Variants in UTRN observed in about 807,000 individuals in gnomAD.
UTRN encodes the protein dystrophin-related protein 1.
In UTRN, 283 loss-of-function variants were observed where a neutral mutation model predicts 463.9. That is an observed-to-expected ratio of 0.61 (90% CI 0.55 to 0.67). The LOEUF (loss-of-function observed/expected upper bound fraction) is 0.67. Among genes scored for constraint, UTRN ranks in the 30% least tolerant of loss-of-function variants. The pLI is 0.00. For missense variants in UTRN, 3,922 were observed against 4,084.3 expected, an observed-to-expected ratio of 0.96 and a Z score of 1.08; for synonymous variants, 1,442 against 1,431.5, an observed-to-expected ratio of 1.01 and a Z score of -0.17.
chr6:144,528,032 A>ATTTTTTTTT (rs201546711), intron 41 of UTRN, among the ~76,000 whole-genome samples: 12 of 112,104 alleles, frequency 1.1e-4, no homozygotes, highest in South Asian at 3.0e-4. Flanking sequence ...AGCTAGTGTG[A>ATTTTTTTTT]TTTTTTTTTT....
At chr6:144,417,453 A>G (rs1784448800) in intron 3 of UTRN, among the ~76,000 whole-genome samples, 1 of 152,222 alleles carries the variant, frequency 6.6e-6, no homozygotes, top group African/African-American at 2.4e-5. Flanking sequence ...TTTTCTCGAA[A>G]TACTATTATA....
intron 15 of UTRN, 45 bp from the exon 16 acceptor site, chr6:144,447,557 A>G (rs897008321): frequency 1.3e-6 from 2 of 1,598,910 alleles, no homozygotes; most frequent in African/African-American, 2.7e-5. Context: ...CAGAAAGACA[A>G]AGTCCTGTTA....
chr6:144,752,417 T>C (rs1185748262), intron 56 of UTRN, among the ~76,000 whole-genome samples: 1 of 152,148 alleles, frequency 6.6e-6, no homozygotes, highest in Non-Finnish European at 1.5e-5. Flanking sequence ...TGTTTACCTT[T>C]AGTTCTTAGA....
Position 144,669,812 on chromosome 6 carries a change from C to T in UTRN, c.7480-8594C>T, listed in dbSNP as rs117133315. Among the ~76,000 whole-genome samples, 60 of 152,246 alleles carry T rather than the reference C, an allele frequency of 3.9e-4. No homozygotes were observed. In the East Asian group the frequency reaches 0.01, roughly 25 times the overall value. On this transcript the variant is annotated intron_variant, in intron 51 of 74. Coordinates refer to ENST00000367545, the MANE Select transcript of UTRN (RefSeq NM_007124.3). Reference sequence around the variant, plus strand: ...CCTTCTGTCATCATAGCTCAGCTCCCACTTATAAGTGAGAACATACGATGT... The same window carrying T: ...CCTTCTGTCATCATAGCTCAGCTCCTACTTATAAGTGAGAACATACGATGT...
At chr6:144,677,642 T>A (rs1781775420) in intron 51 of UTRN, among the ~76,000 whole-genome samples, 1 of 152,152 alleles carries the variant, frequency 6.6e-6, no homozygotes. Flanking sequence ...GTAATGGGAT[T>A]CTGGGTCAAA....
intron 23 of UTRN, among the ~76,000 whole-genome samples, chr6:144,469,690 GTC>G (rs1450246576): frequency 7.3e-6 from 1 of 137,190 alleles, no homozygotes; most frequent in Non-Finnish European, 1.5e-5. Flanking sequence ...TGGCTTCTCT[GTC>G]TGTTTCTTTC....
At chr6:144,682,394 T>G (rs2128686199) in intron 52 of UTRN, among the ~76,000 whole-genome samples, 1 of 152,354 alleles carries the variant, frequency 6.6e-6, no homozygotes, top group Middle Eastern at 3.4e-3. Context: ...TGATGAACAC[T>G]TAGGTTGCTT....
chr6:144,312,593 T>A (rs1775011609), intron 2 of UTRN, among the ~76,000 whole-genome samples: 1 of 152,244 alleles, frequency 6.6e-6, no homozygotes, highest in South Asian at 2.1e-4. Flanking sequence ...TTTTGTTTCT[T>A]AAATATATAC....
chr6:144,495,197 G>A (rs920554798), intron 33 of UTRN, among the ~76,000 whole-genome samples: 3 of 152,200 alleles, frequency 2.0e-5, no homozygotes, highest in African/African-American at 4.8e-5. Flanking sequence ...CGTGGAGCAG[G>A]GGGTGGCACT....
chr6:144,300,925 G>A (rs1437666188), intron 2 of UTRN, among the ~76,000 whole-genome samples: 2 of 152,190 alleles, frequency 1.3e-5, no homozygotes, highest in Non-Finnish European at 1.5e-5. Context: ...TAAAGTGATT[G>A]TTATATTGCC....
chr6:144,793,589 T>TA (rs1776951234), intron 62 of UTRN, among the ~76,000 whole-genome samples: 1 of 152,202 alleles, frequency 6.6e-6, no homozygotes. Context: ...TTTATATGTA[T>TA]ACATAACCCA....
intron 51 of UTRN, among the ~76,000 whole-genome samples, chr6:144,645,158 A>G (rs2128663734): frequency 6.6e-6 from 1 of 152,316 alleles, no homozygotes; most frequent in Non-Finnish European, 1.5e-5. Context: ...TGTTTATTTT[A>G]GGTTGAGATT....
chr6:144,778,507 G>A (rs1466560876), intron 60 of UTRN, among the ~76,000 whole-genome samples: 1 of 152,058 alleles, frequency 6.6e-6, no homozygotes, highest in Non-Finnish European at 1.5e-5. Flanking sequence ...ATAGAAGTAA[G>A]AGGAGTGAGT....
chr6:144,772,464 A>T (rs1235050579), intron 59 of UTRN, among the ~76,000 whole-genome samples: 1 of 152,196 alleles, frequency 6.6e-6, no homozygotes, highest in African/African-American at 2.4e-5. Context: ...TGCCTTTCTT[A>T]GGAGAATTGT....
intron 51 of UTRN, among the ~76,000 whole-genome samples, chr6:144,620,182 C>T (rs1482327021): frequency 1.3e-5 from 2 of 152,110 alleles, no homozygotes; most frequent in African/African-American, 4.8e-5. Flanking sequence ...GCCATGATTG[C>T]AGAATGGAAA....
At chr6:144,672,685 C>T (rs1296432755) in intron 51 of UTRN, among the ~76,000 whole-genome samples, 1 of 151,942 alleles carries the variant, frequency 6.6e-6, no homozygotes, top group East Asian at 1.9e-4. Flanking sequence ...CTGCTCTGAT[C>T]TTTGTTATTT....
Position 144,836,486 on chromosome 6 carries a change from A to T in UTRN, c.10010A>T (p.Asp3337Val). ...RLEARMQILEDHNKQLESQLH... is the reference protein window; with the variant it reads ...RLEARMQILEVHNKQLESQLH... ...GAGGCTAGGATGCAGATTTTAGAAG[A>T]TCACAATAAACAGCTGGAGTCTCAG... The change falls in exon 71 of 75, where the codon GAT becomes GTT. Residue 3337 changes from aspartate (D) to valine (V), a missense_variant. By Grantham distance (152) the Asp-to-Val change is radical (BLOSUM62 -3). Coordinates refer to ENST00000367545, the MANE Select transcript of UTRN (RefSeq NM_007124.3). 1 of 1,613,974 alleles carries T rather than the reference A, an allele frequency of 6.2e-7. No individual in the cohort carries two copies.
At chr6:144,543,019 T>G (rs1193317541) in intron 46 of UTRN, 149 bp downstream of exon 46, 1 of 722,782 alleles carries the variant, frequency 1.4e-6, no homozygotes, top group Admixed American at 2.9e-5. Flanking sequence ...AAAGAACATC[T>G]TCTTTAAACC....
chr6:144,659,308 G>A (rs1779623346), intron 51 of UTRN, among the ~76,000 whole-genome samples: 1 of 152,110 alleles, frequency 6.6e-6, no homozygotes, highest in East Asian at 1.9e-4. Context: ...TGGAAAGGGA[G>A]GATGCTGATT....
Sources: gnomAD v4.1 joint callset for allele counts (sites outside exome capture counted in the v4.1 genomes callset) on GRCh38, gnomAD v4.1.1 for gene constraint, MANE v1.5 for transcripts, NCBI Gene and HGNC (gene_info 2026-07-23, HGNC 2026-07-21) for gene names.